MYT1: variants seen among roughly 807,000 people sequenced by gnomAD.
MYT1 encodes myelin transcription factor 1, also known as myelin transcription factor I.
A neutral mutation model predicts 123.0 loss-of-function variants in MYT1; 23 were observed. The ratio of observed to expected loss-of-function variants is 0.19; its 90% CI spans 0.13 to 0.26. The LOEUF (loss-of-function observed/expected upper bound fraction) is 0.26. MYT1 is among the 10% of genes least tolerant of loss of function. The pLI, the probability that MYT1 is intolerant of heterozygous loss-of-function variation, is 1.00. For missense variants in MYT1, 1,125 were observed against 1,472.5 expected (o/e 0.76, Z 3.86); for synonymous variants, 518 against 575.3 (o/e 0.90, Z 1.43).
rs1003107855 is a variant in MYT1, at chr20:64,196,205, T to G, written c.1-2657T>G. Among the ~76,000 whole-genome samples, 1 of 152,136 alleles carries G rather than the reference T, an allele frequency of 6.6e-6. No homozygotes were observed. Among genetic ancestry groups the G allele is most frequent in the Non-Finnish European group, 1.5e-5 (1 of 68,026 alleles). ...CAATGAAAAATTGAGAAGTGTTTAA[T>G]TTTCTTTGCATCATTGAGCTGCCCT... On this transcript the variant is annotated intron_variant, in intron 2 of 22. Transcript: ENST00000328439. The surrounding 1 kb of genome is among the most constrained non-coding windows in gnomAD (Gnocchi z 4.3).
At chr20:64,225,013 G>A (rs1984127275) in intron 16 of MYT1, among the ~76,000 whole-genome samples, 1 of 152,094 alleles carries the variant, frequency 6.6e-6, no homozygotes, top group South Asian at 2.1e-4. Context: ...TAGAAATAAC[G>A]ACCAAAAGCC....
In MYT1 at chr20:64,202,999, G is replaced by A. The variant is rs1983370150; in HGVS notation, c.87-2036G>A. ...GTGAACTGCAGGGCTGGCATCTGCT[G>A]GCACGACACCCTTGGAGGCCCTGGC... On this transcript the variant is annotated intron_variant, in intron 4 of 22. Transcript: ENST00000328439. The surrounding 1 kb of genome is among the most constrained non-coding windows in gnomAD (Gnocchi z 5.0). Among the ~76,000 whole-genome samples the A allele has an allele frequency of 6.6e-6, 1 of 152,224 alleles. No individual in the cohort carries two copies. The highest frequency in any genetic ancestry group is 1.5e-5 in the Non-Finnish European group (1 of 68,036).
Position 64,191,377 on chromosome 20 carries a change from C to T in MYT1, c.-1+1217C>T, listed in dbSNP as rs1982964876. The T allele has an allele frequency of 6.6e-6, 1 of 152,240 alleles. No homozygotes were observed. The highest frequency in any genetic ancestry group is 2.1e-4 in the South Asian group (1 of 4,830). The allele number at this position is 152,240 out of a possible 1,614,324, so 9.4% of individuals were successfully genotyped here. ...ATACTCTCTGGATGAGGCCAGGTCC[C>T]CAGGGTCAGGTGACCCTCACAGCTG... On this transcript the variant is annotated intron_variant, in intron 2 of 22. Transcript: ENST00000328439. This position sits in a 1 kb window ranked among gnomAD's most constrained non-coding sequence, Gnocchi z 4.1.
chr20:64,211,493 C>A (rs1465305113), intron 8 of MYT1, among the ~76,000 whole-genome samples, 153 bp downstream of exon 8: 1 of 152,230 alleles, frequency 6.6e-6, no homozygotes, highest in African/African-American at 2.4e-5. Context: ...TCCCCGCTTT[C>A]CCCCACAAAC....
intron 1 of MYT1, among the ~76,000 whole-genome samples, chr20:64,183,784 A>G (rs1982721381): frequency 6.6e-6 from 1 of 152,134 alleles, no homozygotes; most frequent in Admixed American, 6.5e-5. Context: ...ATTTTCTCCC[A>G]GTCTTTGGGT....
chr20:64,203,439 C>G lies in MYT1; in HGVS notation c.87-1596C>G, dbSNP rs1400024894. ...GGCAGGGAGAGGTGGGTGGCAGCGGCGGCAACTCCCTCAGTTTGGAAAGGG... is the reference window on the plus strand; with the variant it reads ...GGCAGGGAGAGGTGGGTGGCAGCGGGGGCAACTCCCTCAGTTTGGAAAGGG... On this transcript the variant is annotated intron_variant, in intron 4 of 22. Transcript: ENST00000328439. The surrounding 1 kb of genome is among the most constrained non-coding windows in gnomAD (Gnocchi z 5.1). Among the ~76,000 whole-genome samples, 1 of 152,154 alleles carries G rather than the reference C, an allele frequency of 6.6e-6. No homozygotes were observed. Among genetic ancestry groups the G allele is most frequent in the Non-Finnish European group, 1.5e-5 (1 of 68,020 alleles).
In MYT1 at chr20:64,208,292, G is replaced by A. The variant is rs761368261; in HGVS notation, c.1096G>A (p.Glu366Lys). ...THSRKSTVTD[E>K]SEMQDMMTRG... ...CTCCCGGAAGTCAACAGTCACTGAC[G>A]AGTCGGAGATGCAGGACATGATGAC... The change falls in exon 7 of 23, where the codon GAG becomes AAG. Residue 366 changes from glutamate to lysine, a missense_variant. Physicochemically the swap from Glu to Lys is moderately conservative, Grantham distance 56. Transcript: ENST00000328439. The surrounding 1 kb of genome is among the most constrained non-coding windows in gnomAD (Gnocchi z 5.4). 1.1e-5 allele frequency: 17 copies of A among 1,614,066 alleles called. No individual in the cohort carries two copies. In the South Asian group the frequency reaches 1.1e-4, roughly 10 times the overall value.
chr20:64,201,094 C>A (rs901941645), intron 4 of MYT1, among the ~76,000 whole-genome samples: 2 of 152,216 alleles, frequency 1.3e-5, no homozygotes, highest in African/African-American at 4.8e-5. Flanking sequence ...AGGAGAATCC[C>A]AGGCGAGGGT....
chr20:64,212,416 A>C lies in MYT1; in HGVS notation c.1517+278A>C, dbSNP rs563508418. Among the ~76,000 whole-genome samples the C allele has an allele frequency of 2.0e-5, 3 of 152,284 alleles. No individual in the cohort carries two copies. The highest frequency in any genetic ancestry group is 7.2e-5 in the African/African-American group (3 of 41,562). On this transcript the variant is annotated intron_variant, in intron 9 of 22. Coordinates refer to ENST00000328439, the MANE Select transcript of MYT1 (RefSeq NM_004535.3). This position sits in a 1 kb window ranked among gnomAD's most constrained non-coding sequence, Gnocchi z 6.8. ...CGCCCTGAGGAGTGGGTACAAGGTCAGGGCACACCTGGGCGGTGAGGGGCC... is the reference window on the plus strand; with the variant it reads ...CGCCCTGAGGAGTGGGTACAAGGTCCGGGCACACCTGGGCGGTGAGGGGCC...
In MYT1 at chr20:64,198,014, G is replaced by A. The variant is rs73626451; in HGVS notation, c.1-848G>A. Among the ~76,000 whole-genome samples the A allele has an allele frequency of 1.1e-4, 16 of 152,100 alleles. No individual in the cohort carries two copies. In the South Asian group the frequency reaches 2.7e-3, roughly 26 times the overall value. On this transcript the variant is annotated intron_variant, in intron 2 of 22. Transcript: ENST00000328439. ...TAAAGCCTTCTGCTGGGCCGGGCGC[G>A]GTGGCTCACGCCTGTAATCCCAGCA...
chr20:64,178,432 A>G (rs1982531338), intron 1 of MYT1, among the ~76,000 whole-genome samples: 2 of 149,682 alleles, frequency 1.3e-5, no homozygotes, highest in South Asian at 4.2e-4. Flanking sequence ...CGTTTTTAGC[A>G]CTCCTCGCCT....
chr20:64,186,181 G>T lies in MYT1; in HGVS notation c.-98-3882G>T, dbSNP rs1342232507. Among the ~76,000 whole-genome samples the T allele has an allele frequency of 6.6e-6, 1 of 152,104 alleles. No homozygotes were observed. The highest frequency in any genetic ancestry group is 1.5e-5 in the Non-Finnish European group (1 of 68,010). On this transcript the variant is annotated intron_variant, in intron 1 of 22. Coordinates refer to ENST00000328439, the MANE Select transcript of MYT1 (RefSeq NM_004535.3). The surrounding 1 kb of genome is among the most constrained non-coding windows in gnomAD (Gnocchi z 4.3). ...CAAGAGCCCCATAAAAGTGAGTGTGGGGCCACCATGGGGACAGATGTGGGG... is the reference window on the plus strand; with the variant it reads ...CAAGAGCCCCATAAAAGTGAGTGTGTGGCCACCATGGGGACAGATGTGGGG...
intron 19 of MYT1, among the ~76,000 whole-genome samples, chr20:64,235,552 T>G (rs1351973430): frequency 8.6e-5 from 10 of 115,860 alleles, no homozygotes; most frequent in Non-Finnish European, 1.1e-4. Flanking sequence ...GGCCGTGGTA[T>G]GTGACCCCGG....
In MYT1 at chr20:64,192,791, A is replaced by G. The variant is rs1983004181; in HGVS notation, c.-1+2631A>G. 6.6e-6 allele frequency among the ~76,000 whole-genome samples: 1 copy of G among 152,200 alleles called. No individual in the cohort carries two copies. On this transcript the variant is annotated intron_variant, in intron 2 of 22. Transcript: ENST00000328439. This position sits in a 1 kb window ranked among gnomAD's most constrained non-coding sequence, Gnocchi z 5.3. ...GCAGGAGGTGCCTCTGGCAAGGACTACTGGACAGAGGCTCCTGCAAGGGAA... is the reference window on the plus strand; with the variant it reads ...GCAGGAGGTGCCTCTGGCAAGGACTGCTGGACAGAGGCTCCTGCAAGGGAA...
chr20:64,221,097 C>T (rs1983988233), intron 13 of MYT1, among the ~76,000 whole-genome samples: 1 of 152,210 alleles, frequency 6.6e-6, no homozygotes, highest in Admixed American at 6.5e-5. Context: ...GCTTCACGGG[C>T]ATTTCCTCAT....
chr20:64,222,082 G>T (rs778557309), intron 14 of MYT1, 35 bp downstream of exon 14: 7 of 1,609,628 alleles, frequency 4.3e-6, no homozygotes, highest in Non-Finnish European at 5.9e-6. Context: ...GCTCCTAGGG[G>T]ACCCTCTGTG....
intron 16 of MYT1, among the ~76,000 whole-genome samples, chr20:64,224,049 C>T (rs746638052): frequency 6.6e-6 from 1 of 152,208 alleles, no homozygotes; most frequent in Non-Finnish European, 1.5e-5. Flanking sequence ...TCAGTGTCCT[C>T]CTGGGGCTGG....
rs1240850866 is a variant in MYT1, at chr20:64,218,068, G to A, written c.1846+787G>A. Among the ~76,000 whole-genome samples, 2 of 152,194 alleles carry A rather than the reference G, an allele frequency of 1.3e-5. No homozygotes were observed. Among genetic ancestry groups the A allele is most frequent in the African/African-American group, 4.8e-5 (2 of 41,436 alleles). ...AGTTTCCTACATGAGAATAATAAAA[G>A]TACTGATTGATGCGGCTGCCAGTGG... On this transcript the variant is annotated intron_variant, in intron 11 of 22. Transcript: ENST00000328439. The surrounding 1 kb of genome is among the most constrained non-coding windows in gnomAD (Gnocchi z 4.0).
At chr20:64,223,216 G>A (rs1376537261) in intron 15 of MYT1, 43 bp downstream of exon 15, 2 of 1,613,970 alleles carry the variant, frequency 1.2e-6, no homozygotes, top group East Asian at 2.2e-5. Context: ...GTGCTTCGTG[G>A]TGGGTCTTCC....
Sources: gnomAD v4.1 joint callset for allele counts (sites outside exome capture counted in the v4.1 genomes callset) on GRCh38, gnomAD v4.1.1 for gene constraint, Gnocchi (gnomAD v3.1) non-coding constraint, MANE v1.5 for transcripts, NCBI Gene and HGNC (gene_info 2026-07-23, HGNC 2026-07-21) for gene names.